GRIN2B: variants seen among roughly 807,000 people sequenced by gnomAD.
GRIN2B encodes the protein glutamate ionotropic receptor NMDA type subunit 2B.
GRIN2B carries 5 observed loss-of-function variants against 114.5 expected under a neutral mutation model. The observed-to-expected ratio is 0.04, with a 90% CI of 0.02 to 0.09. GRIN2B has a LOEUF of 0.09. Ranked by LOEUF, GRIN2B falls within the 10% of genes least tolerant of loss-of-function variation. GRIN2B has a pLI of 1.00. For missense variants in GRIN2B, 1,108 were observed against 1,943.5 expected (o/e 0.57, Z 8.08); for synonymous variants, 787 against 745.1 (o/e 1.06, Z -0.92).
rs1326396895 is a variant in GRIN2B at position 13,553,767 on chromosome 12, C to T, written c.*9016G>A. 1 of 152,170 alleles carries T rather than the reference C, an allele frequency of 6.6e-6. No homozygotes were observed. The highest frequency in any genetic ancestry group is 2.4e-5 in the African/African-American group (1 of 41,436). The allele number at this position is 152,170 out of a possible 1,614,324, so 9.4% of individuals were successfully genotyped here. On this transcript the variant is annotated 3_prime_UTR_variant, in exon 14 of 14. Coordinates refer to ENST00000609686, the MANE Select transcript of GRIN2B (RefSeq NM_000834.5). ...TGGTAGTAAAGTGTCTGGATACAAG[C>T]TCTACCCAAAGCATCTGAAAAGCTG...
rs978792100 is a variant in GRIN2B, at chr12:13,545,265, A to C, written c.*17518T>G. ...ATAGCAACCCCACACCCATCCTATC[A>C]TCTATCCCCCTTAATCTGCCTCATT... On this transcript the variant is annotated 3_prime_UTR_variant, in exon 14 of 14. Transcript: ENST00000609686. 6 of 152,088 alleles carry C rather than the reference A, an allele frequency of 3.9e-5. No individual in the cohort carries two copies. Among genetic ancestry groups the C allele is most frequent in the African/African-American group, 9.7e-5 (4 of 41,400 alleles). 9.4% of individuals were successfully genotyped at this position (152,088 alleles called of 1,614,324 possible). A position where few individuals can be genotyped will look rare whatever the true frequency, so the allele number is the denominator to read the frequency against.
At chr12:13,958,888 A>G (rs916643815) in intron 2 of GRIN2B, among the ~76,000 whole-genome samples, 4 of 152,164 alleles carry the variant, frequency 2.6e-5, no homozygotes, top group African/African-American at 9.7e-5. Context: ...AAAAGACGTT[A>G]TAGAGACGTC....
intron 2 of GRIN2B, among the ~76,000 whole-genome samples, chr12:13,967,795 T>C (rs1404445339): frequency 1.3e-5 from 2 of 151,986 alleles, no homozygotes; most frequent in African/African-American, 4.8e-5. Context: ...GACCTGGAGC[T>C]GAGGATCCCT....
chr12:13,577,026 G>C (rs1185234641), intron 10 of GRIN2B, among the ~76,000 whole-genome samples: 1 of 152,196 alleles, frequency 6.6e-6, no homozygotes. Context: ...AGATCAAGTC[G>C]TTCCAGTAGA....
chr12:13,946,852 T>C (rs1055202677), intron 2 of GRIN2B, among the ~76,000 whole-genome samples: 2 of 152,202 alleles, frequency 1.3e-5, no homozygotes, highest in Non-Finnish European at 2.9e-5. Flanking sequence ...GAGACAGAGA[T>C]AGTCTATGGT....
rs774504887 is a variant in GRIN2B at position 13,562,955 on chromosome 12, T to C, written c.4283A>G (p.Lys1428Arg). 6.2e-7 allele frequency: 1 copy of C among 1,614,142 alleles called. No individual in the cohort carries two copies. Among genetic ancestry groups the C allele is most frequent in the Non-Finnish European group, 8.5e-7 (1 of 1,179,998 alleles). The stretch of plus-strand genomic sequence containing the variant: ...CCCATGAAGGGCCGAGACCACCGGC[T>C]TGTTGGTGACAAGGGCCCGGAAGTC... ...RPDFRALVTNKPVVSALHGAV... is the reference protein window; with the variant it reads ...RPDFRALVTNRPVVSALHGAV... The change falls in exon 14 of 14, where the codon AAG (lysine) becomes AGG (arginine). Residue 1428 changes from lysine (K) to arginine (R), a missense_variant. Transcript: ENST00000609686.
intron 4 of GRIN2B, among the ~76,000 whole-genome samples, chr12:13,747,130 G>A (rs574517246): frequency 6.6e-6 from 1 of 152,180 alleles, no homozygotes; most frequent in Non-Finnish European, 1.5e-5. Flanking sequence ...ACAAAAAAGA[G>A]ACAAAGAAGA....
chr12:13,576,790 C>T (rs570483414), intron 10 of GRIN2B, among the ~76,000 whole-genome samples: 61 of 152,240 alleles, frequency 4.0e-4, no homozygotes, highest in African/African-American at 1.3e-3. Flanking sequence ...TGGCCTCAAG[C>T]GATCCGCTCT....
chr12:13,563,311 G>A lies in GRIN2B; in HGVS notation c.3927C>T (p.Asp1309=). The A allele has an allele frequency of 6.2e-7, 1 of 1,614,196 alleles. No homozygotes were observed. ...CCAGGGCGGCTTCTTCCTTCTGCAG[G>A]TCCACGAAGGTGTCGTAGGAGTGCT... ...RRQHSYDTFV[D]LQKEEAALAP... The change falls in exon 14 of 14, where the codon GAC becomes GAT. Residue 1309 remains aspartate (D), a synonymous_variant. Transcript: ENST00000609686.
intron 3 of GRIN2B, among the ~76,000 whole-genome samples, chr12:13,787,953 A>C (rs1297812509): frequency 6.6e-6 from 1 of 152,196 alleles, no homozygotes; most frequent in Non-Finnish European, 1.5e-5. Flanking sequence ...ACTTATCTCA[A>C]ATACACCAGG....
At chr12:13,875,016 C>G (rs1865972943) in intron 2 of GRIN2B, among the ~76,000 whole-genome samples, 1 of 152,096 alleles carries the variant, frequency 6.6e-6, no homozygotes, top group Admixed American at 6.5e-5. Context: ...CAACCCATCA[C>G]CTTGGTATTA....
chr12:13,772,482 C>T (rs147944069), intron 3 of GRIN2B, among the ~76,000 whole-genome samples: 1 of 152,268 alleles, frequency 6.6e-6, no homozygotes, highest in African/African-American at 2.4e-5. Context: ...CAAGCTCCAC[C>T]CACTTGCCCT....
chr12:13,643,353 T>G (rs1010035975), intron 5 of GRIN2B, among the ~76,000 whole-genome samples: 1 of 152,180 alleles, frequency 6.6e-6, no homozygotes, highest in Non-Finnish European at 1.5e-5. Context: ...TGTAGTCTGT[T>G]AAGTGTACAA....
At chr12:13,614,048 A>C (rs935484247) in intron 8 of GRIN2B, among the ~76,000 whole-genome samples, 5 of 151,810 alleles carry the variant, frequency 3.3e-5, no homozygotes, top group African/African-American at 1.2e-4. Flanking sequence ...AGCAAATAAA[A>C]TATGTATAGA....
At chr12:13,854,396 G>A (rs1403606840) in intron 3 of GRIN2B, among the ~76,000 whole-genome samples, 13 of 152,098 alleles carry the variant, frequency 8.5e-5, no homozygotes, top group Admixed American at 4.6e-4. Context: ...TATAATCCCA[G>A]CTATGAGGGA....
intron 5 of GRIN2B, among the ~76,000 whole-genome samples, chr12:13,624,467 A>G (rs932083480): frequency 6.6e-6 from 1 of 152,248 alleles, no homozygotes; most frequent in Non-Finnish European, 1.5e-5. Context: ...GCAATGGCAC[A>G]ATCTGCTGCA....
chr12:13,565,136 C>A (rs1046730190), intron 13 of GRIN2B, among the ~76,000 whole-genome samples: 2 of 152,236 alleles, frequency 1.3e-5, no homozygotes, highest in African/African-American at 4.8e-5. Context: ...TAGCTTACAA[C>A]TGTCACTCTT....
At chr12:13,698,550 G>T (rs1306854206) in intron 4 of GRIN2B, among the ~76,000 whole-genome samples, 3 of 151,936 alleles carry the variant, frequency 2.0e-5, no homozygotes, top group Non-Finnish European at 2.9e-5. Flanking sequence ...AAAAATCAGT[G>T]TATTATATAA....
intron 8 of GRIN2B, among the ~76,000 whole-genome samples, chr12:13,613,555 G>T (rs1255490476): frequency 6.6e-6 from 1 of 152,058 alleles, no homozygotes; most frequent in Admixed American, 6.6e-5. Context: ...CCCCATGCTG[G>T]TTCCTGGGTT....
Sources: gnomAD v4.1 joint callset for allele counts (sites outside exome capture counted in the v4.1 genomes callset) on GRCh38, gnomAD v4.1.1 for gene constraint, MANE v1.5 for transcripts, NCBI Gene and HGNC (gene_info 2026-07-23, HGNC 2026-07-21) for gene names.